ZNF469: variants seen among roughly 807,000 people sequenced by gnomAD.
ZNF469 encodes zinc finger protein 469.
ZNF469 carries 1 observed loss-of-function variant against 1.0 expected under a neutral mutation model. That is an observed-to-expected ratio of 1.00 (90% confidence interval 0.35 to 4.73). The LOEUF is 4.73. Among genes scored for constraint, ZNF469 ranks in the 30% most tolerant of loss-of-function variants. ZNF469 has a pLI of 0.16. For synonymous variants in ZNF469, 2,703 were observed against 2,363.4 expected, an observed-to-expected ratio of 1.14 and a Z score of -4.17; for missense variants, 6,100 against 5,356.3, an observed-to-expected ratio of 1.14 and a Z score of -4.33.
chr16:88,163,628 GGATGGAT>G, the ZNF469 span, among the ~76,000 whole-genome samples: 1 of 151,200 alleles, frequency 6.6e-6, no homozygotes, highest in African/African-American at 2.4e-5. Context: ...ATGGATGGAT[GGATGGAT>G]GGATGGATGG....
chr16:88,389,293 G>A (rs1041039645), intron 1 of ZNF469, among the ~76,000 whole-genome samples: 3 of 152,240 alleles, frequency 2.0e-5, no homozygotes, highest in East Asian at 3.9e-4. Flanking sequence ...GTCACTCAGC[G>A]TCACATCTTT....
chr16:88,185,373 CTT>C, the ZNF469 span, among the ~76,000 whole-genome samples: 25 of 122,090 alleles, frequency 2.0e-4, no homozygotes, highest in East Asian at 4.4e-3. Flanking sequence ...TACCTATACA[CTT>C]GTGTGTGCAG....
the ZNF469 span, among the ~76,000 whole-genome samples, chr16:88,376,840 G>A: frequency 6.6e-6 from 1 of 152,174 alleles, no homozygotes; most frequent in Non-Finnish European, 1.5e-5. Flanking sequence ...GAGGCTCCTA[G>A]GGCAGCCAGG....
At chr16:88,384,202 A>T (rs1206497363) in intron 1 of ZNF469, among the ~76,000 whole-genome samples, 1 of 152,200 alleles carries the variant, frequency 6.6e-6, no homozygotes, top group Non-Finnish European at 1.5e-5. Flanking sequence ...GCAGAAACTG[A>T]TGGTCAGAGT....
the ZNF469 span, among the ~76,000 whole-genome samples, chr16:88,343,998 G>A: frequency 6.6e-6 from 1 of 151,568 alleles, no homozygotes; most frequent in Non-Finnish European, 1.5e-5. Context: ...ATCCTGGACG[G>A]GACATGATCA....
At chr16:88,215,461 C>G in the ZNF469 span, among the ~76,000 whole-genome samples, 1 of 127,260 alleles carries the variant, frequency 7.9e-6, no homozygotes, top group South Asian at 2.7e-4. Flanking sequence ...ATGACCTGGG[C>G]TTGTTGCAAC....
chr16:88,232,369 A>G, the ZNF469 span, among the ~76,000 whole-genome samples: 1 of 152,026 alleles, frequency 6.6e-6, no homozygotes, highest in Non-Finnish European at 1.5e-5. Flanking sequence ...CCACTTTGGG[A>G]GGTGGCGTCA....
In ZNF469 at chr16:88,383,382, C is replaced by T. The variant is rs928392414; in HGVS notation, c.-192+128C>T. Among the ~76,000 whole-genome samples, 49 of 147,884 alleles carry T rather than the reference C, an allele frequency of 3.3e-4. 1 individual carries two copies. The highest frequency in any genetic ancestry group is 2.1e-3 in the Admixed American group (32 of 14,904). On this transcript the variant is annotated intron_variant, in intron 1 of 2. Transcript: ENST00000565624. ...CTCCCGCTCCTGCGCCCTCGGGGGC[C>T]GCTCCCCGGCGGGGCCGGACCCTCC...
the ZNF469 span, among the ~76,000 whole-genome samples, chr16:88,118,131 C>T: frequency 2.6e-5 from 4 of 152,192 alleles, no homozygotes; most frequent in East Asian, 1.9e-4. Context: ...TTAGTAGAGA[C>T]GGGGTTTTGC....
At chr16:88,235,077 G>C in the ZNF469 span, among the ~76,000 whole-genome samples, 1 of 152,178 alleles carries the variant, frequency 6.6e-6, no homozygotes, top group Non-Finnish European at 1.5e-5. Context: ...TTCTGGTGTG[G>C]GATCTGGCTT....
chr16:88,340,067 G>A, the ZNF469 span, among the ~76,000 whole-genome samples: 1 of 152,092 alleles, frequency 6.6e-6, no homozygotes, highest in East Asian at 1.9e-4. Context: ...CTGAGCCACG[G>A]ACACCAGTCC....
the ZNF469 span, among the ~76,000 whole-genome samples, chr16:88,238,818 G>T: frequency 6.6e-6 from 1 of 152,236 alleles, no homozygotes; most frequent in Admixed American, 6.5e-5. Flanking sequence ...TGTCCTTGTT[G>T]AGAAGAGCAG....
chr16:88,104,907 T>C, the ZNF469 span, among the ~76,000 whole-genome samples: 2 of 152,122 alleles, frequency 1.3e-5, no homozygotes, highest in Non-Finnish European at 2.9e-5. Context: ...GAGAGGACAC[T>C]TCTTGGGTAT....
In ZNF469 at chr16:88,428,417, A is replaced by C. The variant is rs901068156; in HGVS notation, c.947A>C (p.Glu316Ala). The change falls in exon 3 of 3, where the codon GAG (glutamate) becomes GCG (alanine). Residue 316 changes from glutamate to alanine, a missense_variant. Transcript: ENST00000565624. The part of the protein sequence containing the change: ...FHQPQGAWPE[E>A]AVGTGPAYPL... ...CAGCCCCAGGGAGCGTGGCCGGAGG[A>C]GGCCGTGGGCACGGGCCCTGCCTAC... 7 of 1,548,022 alleles carry C rather than the reference A, an allele frequency of 4.5e-6. No homozygotes were observed. In the East Asian group the frequency reaches 7.3e-5, roughly 16 times the overall value.
chr16:88,197,317 A>G, the ZNF469 span, among the ~76,000 whole-genome samples: 1 of 152,172 alleles, frequency 6.6e-6, no homozygotes, highest in East Asian at 1.9e-4. Context: ...GACACAGAGG[A>G]GGGCTTTGGC....
chr16:88,183,574 C>T, the ZNF469 span, among the ~76,000 whole-genome samples: 12,347 of 152,146 alleles, frequency 0.081, 710 homozygotes, highest in East Asian at 0.24. Flanking sequence ...TTCTGGAGGA[C>T]GCAAAGCTGT....
the ZNF469 span, among the ~76,000 whole-genome samples, chr16:88,152,507 G>A: frequency 3.3e-5 from 5 of 152,098 alleles, no homozygotes; most frequent in East Asian, 1.9e-4. The surrounding 1 kb of genome is among the most constrained non-coding windows in gnomAD (Gnocchi z 4.2). Context: ...TGCTTGGCGC[G>A]CTGGATGCCT....
At chr16:88,295,547 TGAG>T in the ZNF469 span, among the ~76,000 whole-genome samples, 1 of 152,140 alleles carries the variant, frequency 6.6e-6, no homozygotes. Context: ...GAGCCCCTGC[TGAG>T]GAGTTGGGTT....
the ZNF469 span, among the ~76,000 whole-genome samples, chr16:88,129,789 T>A: frequency 6.6e-6 from 1 of 152,150 alleles, no homozygotes; most frequent in Non-Finnish European, 1.5e-5. Context: ...TCAGTCCAGA[T>A]CAAGGCTGTA....
Sources: gnomAD v4.1 joint callset for allele counts (sites outside exome capture counted in the v4.1 genomes callset) on GRCh38, gnomAD v4.1.1 for gene constraint, Gnocchi (gnomAD v3.1) non-coding constraint, MANE v1.5 for transcripts, NCBI Gene and HGNC (gene_info 2026-07-23, HGNC 2026-07-21) for gene names.